CSMD1: variants seen among roughly 807,000 people sequenced by gnomAD.
CSMD1 encodes the protein CUB and sushi domain-containing protein 1.
Under a neutral mutation model 417.5 loss-of-function variants are expected in CSMD1, and 213 were observed. The observed-to-expected ratio is 0.51, with a 90% CI of 0.46 to 0.57. The LOEUF is 0.57. Among genes scored for constraint, CSMD1 ranks in the 20% least tolerant of loss-of-function variants. CSMD1 has a pLI of 0.00. For missense variants in CSMD1, 6,923 were observed against 4,529.7 expected (o/e 1.53, Z -15.17); for synonymous variants, 2,862 against 1,736.8 (o/e 1.65, Z -16.11).
At chr8:3,957,869 C>G (rs996839418) in intron 5 of CSMD1, among the ~76,000 whole-genome samples, 1 of 152,126 alleles carries the variant, frequency 6.6e-6, no homozygotes, top group Admixed American at 6.5e-5. Flanking sequence ...ACATTTGGAG[C>G]CGATGTGGGG....
chr8:4,179,673 T>C (rs1798247334), intron 3 of CSMD1, among the ~76,000 whole-genome samples: 1 of 152,110 alleles, frequency 6.6e-6, no homozygotes, highest in Non-Finnish European at 1.5e-5. Flanking sequence ...TTTCGCAATC[T>C]ACTCATCTGA....
At chr8:3,660,683 G>C (rs1171112602) in intron 7 of CSMD1, among the ~76,000 whole-genome samples, 3 of 151,546 alleles carry the variant, frequency 2.0e-5, no homozygotes, top group Non-Finnish European at 2.9e-5. Flanking sequence ...ACCACACCTG[G>C]CTAATTTTTA....
intron 5 of CSMD1, among the ~76,000 whole-genome samples, chr8:3,789,428 G>GT (rs200174086): frequency 2.5e-4 from 21 of 84,946 alleles, no homozygotes; most frequent in East Asian, 1.3e-3. Context: ...TTTAAGTAGT[G>GT]TTTTTTTTTA....
chr8:4,186,279 G>C (rs139162549), intron 3 of CSMD1, among the ~76,000 whole-genome samples: 35 of 152,214 alleles, frequency 2.3e-4, no homozygotes, highest in African/African-American at 7.7e-4. Context: ...AATTACAAGA[G>C]AAGGAGGCCC....
intron 25 of CSMD1, among the ~76,000 whole-genome samples, chr8:3,296,073 G>A (rs1002551003): frequency 1.3e-5 from 2 of 151,996 alleles, no homozygotes; most frequent in Admixed American, 1.3e-4. Context: ...GAAGAATATG[G>A]AATGTTAGTA....
intron 5 of CSMD1, among the ~76,000 whole-genome samples, chr8:3,864,532 T>C (rs1047953964): frequency 7.2e-5 from 11 of 152,226 alleles, no homozygotes; most frequent in African/African-American, 2.7e-4. Flanking sequence ...GTTTGTTACA[T>C]ATGTATACAT....
At chr8:3,516,453 G>A (rs1287751303) in intron 10 of CSMD1, among the ~76,000 whole-genome samples, 1 of 152,172 alleles carries the variant, frequency 6.6e-6, no homozygotes, top group Non-Finnish European at 1.5e-5. Context: ...GGTTGAGTGA[G>A]TCATTGGAGT....
At chr8:4,194,139 A>C (rs1384685586) in intron 3 of CSMD1, among the ~76,000 whole-genome samples, 1 of 152,184 alleles carries the variant, frequency 6.6e-6, no homozygotes, top group Non-Finnish European at 1.5e-5. Context: ...AATGATAAAA[A>C]TGACCAAGAA....
At chr8:4,572,002 A>G (rs145982434) in intron 2 of CSMD1, among the ~76,000 whole-genome samples, 17 of 152,250 alleles carry the variant, frequency 1.1e-4, no homozygotes, top group African/African-American at 3.4e-4. Flanking sequence ...CTTTATTTGG[A>G]GCCTATGTGT....
intron 3 of CSMD1, among the ~76,000 whole-genome samples, chr8:4,408,560 C>G (rs1796468990): frequency 6.6e-6 from 1 of 152,148 alleles, no homozygotes; most frequent in Non-Finnish European, 1.5e-5. Context: ...TTATATTACT[C>G]TGATTTGCAC....
chr8:3,532,891 A>C (rs889199876), intron 10 of CSMD1, among the ~76,000 whole-genome samples: 1 of 152,212 alleles, frequency 6.6e-6, no homozygotes, highest in African/African-American at 2.4e-5. Flanking sequence ...TTTTTTAATC[A>C]ATAGTAAATC....
rs1345151104 is a variant in CSMD1 at position 4,074,672 on chromosome 8, G to A, written c.416-42573C>T. Among the ~76,000 whole-genome samples, 7 of 151,760 alleles carry A rather than the reference G, an allele frequency of 4.6e-5. No individual in the cohort carries two copies. In the East Asian group the frequency reaches 1.2e-3, roughly 25 times the overall value. Reference sequence around the variant, plus strand: ...ATCCATCCTTTTATAATTGACAATGGTACGTTAAAATTTTGTATAAAGATG... The same window carrying A: ...ATCCATCCTTTTATAATTGACAATGATACGTTAAAATTTTGTATAAAGATG... On this transcript the variant is annotated intron_variant, in intron 3 of 69. Transcript: ENST00000635120.
At chr8:4,016,712 G>A (rs564653763) in intron 4 of CSMD1, among the ~76,000 whole-genome samples, 1 of 152,322 alleles carries the variant, frequency 6.6e-6, no homozygotes, top group East Asian at 1.9e-4. Context: ...TAAGTAACAT[G>A]TTAGGAAGAC....
At chr8:3,727,480 G>C (rs753436878) in intron 6 of CSMD1, among the ~76,000 whole-genome samples, 8 of 152,166 alleles carry the variant, frequency 5.3e-5, no homozygotes, top group African/African-American at 1.9e-4. Flanking sequence ...AATGAATAAA[G>C]AGTAAGAAGC....
intron 1 of CSMD1, among the ~76,000 whole-genome samples, chr8:4,701,976 G>A (rs1486669250): frequency 6.6e-6 from 1 of 152,130 alleles, no homozygotes; most frequent in Non-Finnish European, 1.5e-5. Context: ...GATGGAGCTG[G>A]AAGCCATTAT....
At position 4,000,819 on chromosome 8, in the gene CSMD1, A is replaced by G. The variant is rs2260979; in HGVS notation, c.611-2709T>C. On this transcript the variant is annotated intron_variant, in intron 4 of 69. Coordinates refer to ENST00000635120, the MANE Select transcript of CSMD1 (RefSeq NM_033225.6). ...TACAAAAGTTATGGCATCTCAATGTAAACACAGATGCAGAAGAAAAGAGTT... is the reference window on the plus strand; with the variant it reads ...TACAAAAGTTATGGCATCTCAATGTGAACACAGATGCAGAAGAAAAGAGTT... Among the ~76,000 whole-genome samples, 148 of 152,162 alleles carry G rather than the reference A, an allele frequency of 9.7e-4. 4 individuals are homozygous for G. In the East Asian group the frequency reaches 0.027, roughly 27 times the overall value.
intron 1 of CSMD1, among the ~76,000 whole-genome samples, chr8:4,901,832 C>G (rs1804889858): frequency 6.6e-6 from 1 of 151,832 alleles, no homozygotes; most frequent in Non-Finnish European, 1.5e-5. Context: ...TAAGATAAAT[C>G]TGAGTGAGTA....
chr8:4,304,970 T>C (rs545221340), intron 3 of CSMD1, among the ~76,000 whole-genome samples: 9 of 152,266 alleles, frequency 5.9e-5, no homozygotes, highest in African/African-American at 1.7e-4. Flanking sequence ...TACACTAACG[T>C]CTGGATGGTA....
chr8:3,746,857 G>A (rs528854526), intron 6 of CSMD1, among the ~76,000 whole-genome samples: 8 of 152,114 alleles, frequency 5.3e-5, no homozygotes, highest in Non-Finnish European at 1.0e-4. Flanking sequence ...AATAGGGTGG[G>A]GCTAAGAAAT....
Sources: gnomAD v4.1 joint callset for allele counts (sites outside exome capture counted in the v4.1 genomes callset) on GRCh38, gnomAD v4.1.1 for gene constraint, MANE v1.5 for transcripts, NCBI Gene and HGNC (gene_info 2026-07-23, HGNC 2026-07-21) for gene names.